SLCO3A1: variants seen among roughly 807,000 people sequenced by gnomAD.
The protein encoded by SLCO3A1 is solute carrier organic anion transporter family member 3A1.
A neutral mutation model predicts 63.1 loss-of-function variants in SLCO3A1; 27 were observed. The ratio of observed to expected loss-of-function variants is 0.43; its 90% CI spans 0.32 to 0.59. The LOEUF (loss-of-function observed/expected upper bound fraction) is 0.59. SLCO3A1 is among the 20% of genes least tolerant of loss of function. The probability of loss-of-function intolerance (pLI) is 0.09; values close to 1 mark genes in which losing one functional copy is unlikely to be tolerated. For synonymous variants in SLCO3A1, 473 were observed against 409.9 expected, an observed-to-expected ratio of 1.15 and a Z score of -1.86; for missense variants, 773 against 945.8, an observed-to-expected ratio of 0.82 and a Z score of 2.40.
intron 2 of SLCO3A1, among the ~76,000 whole-genome samples, chr15:91,990,680 A>G (rs917109012): frequency 1.3e-5 from 2 of 151,726 alleles, no homozygotes; most frequent in African/African-American, 4.8e-5. Context: ...TGTTGAGCAC[A>G]TCTGCTTGAA....
At position 91,854,105 on chromosome 15, in the gene SLCO3A1, A is replaced by G; in HGVS notation, c.180+17A>G. The G allele has an allele frequency of 6.8e-7, 1 of 1,463,874 alleles. No individual in the cohort carries two copies. Among genetic ancestry groups the G allele is most frequent in the Non-Finnish European group, 9.1e-7 (1 of 1,099,606 alleles). 90.7% of individuals were successfully genotyped at this position (1,463,874 alleles called of 1,614,324 possible). A position where few individuals can be genotyped will look rare whatever the true frequency, so the allele number is the denominator to read the frequency against. Reference sequence around the variant, plus strand: ...GCCTACCTGGTGAGTCCCCGAGCCAACTCCGCCGCGGGCCCCTTCCCCAGC... The same window carrying G: ...GCCTACCTGGTGAGTCCCCGAGCCAGCTCCGCCGCGGGCCCCTTCCCCAGC... On this transcript the variant is annotated intron_variant, in intron 1 of 9. Transcript: ENST00000318445. This position sits in a 1 kb window ranked among gnomAD's most constrained non-coding sequence, Gnocchi z 6.4.
chr15:92,116,185 G>C lies in SLCO3A1; in HGVS notation c.1010-4280G>C, dbSNP rs146844101. On this transcript the variant is annotated intron_variant, in intron 4 of 9. Transcript: ENST00000318445. ...GTTTGCTGTGAGCATTGTGGGAGCA[G>C]ATAGGTAAGCATTTAGAACGGCATT... 3.5e-3 allele frequency among the ~76,000 whole-genome samples: 536 copies of C among 152,322 alleles called. 3 individuals carry two copies. Among genetic ancestry groups the C allele is most frequent in the African/African-American group, 0.012 (518 of 41,564 alleles).
intron 7 of SLCO3A1, among the ~76,000 whole-genome samples, chr15:92,144,096 G>A (rs7175816): frequency 0.13 from 19,439 of 152,312 alleles, 1,570 homozygotes; most frequent in Admixed American, 0.21. Context: ...ATGCCTGACC[G>A]TGTGACCTTC....
chr15:92,018,792 C>G (rs531661612), intron 2 of SLCO3A1, among the ~76,000 whole-genome samples: 2 of 152,248 alleles, frequency 1.3e-5, no homozygotes, highest in South Asian at 4.1e-4. Context: ...AGTGTGTTCC[C>G]CATTTCAGTC....
chr15:91,956,014 G>A (rs1042916361), intron 2 of SLCO3A1, among the ~76,000 whole-genome samples: 1 of 152,136 alleles, frequency 6.6e-6, no homozygotes, highest in Non-Finnish European at 1.5e-5. Flanking sequence ...TACATTCCAA[G>A]CCCAGGGCTG....
At chr15:92,062,987 G>C (rs2047105249) in intron 2 of SLCO3A1, among the ~76,000 whole-genome samples, 1 of 152,206 alleles carries the variant, frequency 6.6e-6, no homozygotes, top group Non-Finnish European at 1.5e-5. Flanking sequence ...TTGGTGAGAA[G>C]AAAAACCTTG....
chr15:91,975,284 G>GC (rs1901057047), intron 2 of SLCO3A1, among the ~76,000 whole-genome samples: 1 of 152,020 alleles, frequency 6.6e-6, no homozygotes, highest in African/African-American at 2.4e-5. Flanking sequence ...TGAATCCTTT[G>GC]CCTGGAGCTG....
In SLCO3A1 at chr15:92,163,633, CAGGTGG is replaced by C; in HGVS notation, c.*499_*504del. 2.0e-6 allele frequency: 2 copies of C among 985,088 alleles called. No homozygotes were observed. The highest frequency in any genetic ancestry group is 2.4e-6 in the Non-Finnish European group (2 of 829,860). 61.0% of individuals were successfully genotyped at this position (985,088 alleles called of 1,614,324 possible). ...CACACCCCGTGCCACCCTCTTCCTC[CAGGTGG>C]GGGTGGGGGCGGGCGCACAAGTCGG... On this transcript the variant is annotated 3_prime_UTR_variant, in exon 10 of 10. Transcript: ENST00000318445.
intron 2 of SLCO3A1, among the ~76,000 whole-genome samples, chr15:91,919,845 C>T (rs1898785117): frequency 6.6e-6 from 1 of 151,768 alleles, no homozygotes; most frequent in African/African-American, 2.4e-5. Flanking sequence ...ATTACATGTT[C>T]ACCGTTTACA....
At chr15:92,103,020 C>T (rs1184376036) in intron 3 of SLCO3A1, among the ~76,000 whole-genome samples, 1 of 152,186 alleles carries the variant, frequency 6.6e-6, no homozygotes, top group Non-Finnish European at 1.5e-5. Context: ...TAAGAATGTG[C>T]TCTGCATAAT....
chr15:92,032,571 T>C (rs1461620390), intron 2 of SLCO3A1, among the ~76,000 whole-genome samples: 1 of 152,212 alleles, frequency 6.6e-6, no homozygotes, highest in African/African-American at 2.4e-5. Context: ...CAGATTTTAC[T>C]GTGCATGTAA....
At chr15:92,169,117 G>A (rs549700936), downstream of SLCO3A1, among the ~76,000 whole-genome samples, 86 of 152,206 alleles carry the variant, frequency 5.7e-4, no homozygotes, top group Non-Finnish European at 9.8e-4. Context: ...GCTGCTGGCT[G>A]AGCTTATTTC....
At chr15:92,028,908 A>T (rs940725497) in intron 2 of SLCO3A1, among the ~76,000 whole-genome samples, 6 of 120,138 alleles carry the variant, frequency 5.0e-5, no homozygotes, top group African/African-American at 6.8e-5. Context: ...TGCAGGCACA[A>T]GTGTGTGTGT....
rs112913201 is a variant in SLCO3A1 at position 91,955,239 on chromosome 15, T to C, written c.646+38781T>C. 1.7e-3 allele frequency among the ~76,000 whole-genome samples: 259 copies of C among 152,302 alleles called. 1 individual carries two copies. Among genetic ancestry groups the C allele is most frequent in the African/African-American group, 6.0e-3 (248 of 41,574 alleles). On this transcript the variant is annotated intron_variant, in intron 2 of 9. Transcript: ENST00000318445. ...TGCACACAAGGCCACATAGCCAAGA[T>C]GTGGTAGGGTTGGGATTTGAACCCA...
At chr15:91,940,105 C>G (rs1899565972) in intron 2 of SLCO3A1, among the ~76,000 whole-genome samples, 1 of 152,068 alleles carries the variant, frequency 6.6e-6, no homozygotes, top group Non-Finnish European at 1.5e-5. Flanking sequence ...CTCCTTGTTC[C>G]TGGCCCTACC....
Position 91,871,765 on chromosome 15 carries a change from GTTTT to G in SLCO3A1, c.180+17694_180+17697del, listed in dbSNP as rs33938693. On this transcript the variant is annotated intron_variant, in intron 1 of 9. Transcript: ENST00000318445. ...GGTGTGCTCATTTTGTTTTTTTTTG[GTTTT>G]TTTTTTTTTTTTTTTTGGCTGATAA... Among the ~76,000 whole-genome samples, 5 of 45,686 alleles carry G rather than the reference GTTTT, an allele frequency of 1.1e-4. No homozygotes were observed. In the Admixed American group the frequency reaches 1.3e-3, roughly 12 times the overall value. The allele number at this position is 45,686 out of a possible 152,430, so 30.0% of individuals were successfully genotyped here. A position where few individuals can be genotyped will look rare whatever the true frequency, so the allele number is the denominator to read the frequency against.
At chr15:92,117,321 C>T (rs561122253) in intron 4 of SLCO3A1, among the ~76,000 whole-genome samples, 189 of 152,206 alleles carry the variant, frequency 1.2e-3, no homozygotes, top group African/African-American at 4.4e-3. Flanking sequence ...AGCCTCAGCC[C>T]GGCAGCAGTT....
intron 1 of SLCO3A1, among the ~76,000 whole-genome samples, chr15:91,892,277 G>A (rs1006339420): frequency 4.6e-5 from 7 of 152,126 alleles, no homozygotes; most frequent in East Asian, 3.9e-4. Context: ...CACTCGTATC[G>A]TCCTACCTTC....
intron 2 of SLCO3A1, among the ~76,000 whole-genome samples, chr15:92,016,695 G>A (rs185036585): frequency 6.6e-6 from 1 of 152,182 alleles, no homozygotes; most frequent in Admixed American, 6.5e-5. Flanking sequence ...ATTCCAGAGA[G>A]TTATCAAAGC....
Sources: gnomAD v4.1 joint callset for allele counts (sites outside exome capture counted in the v4.1 genomes callset) on GRCh38, gnomAD v4.1.1 for gene constraint, Gnocchi (gnomAD v3.1) non-coding constraint, MANE v1.5 for transcripts, NCBI Gene and HGNC (gene_info 2026-07-23, HGNC 2026-07-21) for gene names.